PREX2: variants seen among roughly 807,000 people sequenced by gnomAD.
The protein encoded by PREX2 is phosphatidylinositol 3,4,5-trisphosphate-dependent Rac exchanger 2 protein.
PREX2 carries 107 observed loss-of-function variants against 203.2 expected under a neutral mutation model. That is an observed-to-expected ratio of 0.53 (90% CI 0.45 to 0.62). The LOEUF is 0.62. Ranked by LOEUF, PREX2 falls within the 20% of genes least tolerant of loss-of-function variation. The pLI is 0.00. For missense variants in PREX2, 1,777 were observed against 1,955.9 expected (o/e 0.91, Z 1.72); for synonymous variants, 672 against 663.6 (o/e 1.01, Z -0.19).
chr8:68,162,207 A>G (rs572086264), intron 35 of PREX2, among the ~76,000 whole-genome samples: 1 of 151,744 alleles, frequency 6.6e-6, no homozygotes, highest in Admixed American at 6.7e-5. Flanking sequence ...ACTAATTTTC[A>G]GTGAAAAACC....
In PREX2 at chr8:68,236,112, T is replaced by A. The variant is rs1471723921; in HGVS notation, c.*4734T>A. The A allele has an allele frequency of 6.6e-6, 1 of 152,166 alleles. No individual in the cohort carries two copies. The highest frequency in any genetic ancestry group is 1.5e-5 in the Non-Finnish European group (1 of 68,012). The allele number at this position is 152,166 out of a possible 1,614,324, so 9.4% of individuals were successfully genotyped here. A position where few individuals can be genotyped will look rare whatever the true frequency, so the allele number is the denominator to read the frequency against. The stretch of plus-strand genomic sequence containing the variant: ...AGTTGTTCAATGTATTGAATGAATG[T>A]CTTACTGTAAGCATCAGAGCTGTCC... On this transcript the variant is annotated 3_prime_UTR_variant, in exon 40 of 40. Coordinates refer to ENST00000288368, the MANE Select transcript of PREX2 (RefSeq NM_024870.4).
chr8:68,230,173 T>A (rs1444449368), intron 39 of PREX2, among the ~76,000 whole-genome samples: 1 of 148,096 alleles, frequency 6.8e-6, no homozygotes, highest in Non-Finnish European at 1.5e-5. Flanking sequence ...ATATTAAATC[T>A]TGCTCATTCT....
chr8:68,140,228 G>A (rs914648402), intron 33 of PREX2, among the ~76,000 whole-genome samples: 3 of 152,178 alleles, frequency 2.0e-5, no homozygotes, highest in Admixed American at 2.0e-4. Flanking sequence ...AAATGTAGAT[G>A]TCACTATAAC....
At chr8:68,129,408 C>T (rs373950323) in intron 31 of PREX2, among the ~76,000 whole-genome samples, 1 of 151,998 alleles carries the variant, frequency 6.6e-6, no homozygotes, top group East Asian at 1.9e-4. Context: ...CCCTCTCTCC[C>T]CTCTTCTATA....
chr8:68,087,691 G>A (rs772996350), intron 18 of PREX2, 33 bp from the exon 19 acceptor site: 14 of 1,478,350 alleles, frequency 9.5e-6, no homozygotes, highest in South Asian at 2.3e-5. Flanking sequence ...TGATTCTTAC[G>A]CTTCATCTTA....
chr8:68,106,983 T>C (rs1178685088), intron 23 of PREX2, among the ~76,000 whole-genome samples: 1 of 152,092 alleles, frequency 6.6e-6, no homozygotes, highest in African/African-American at 2.4e-5. Flanking sequence ...TACAATTCAG[T>C]CTAACTCTAT....
chr8:68,127,442 T>A, intron 31 of PREX2, 23 bp downstream of exon 31: 1 of 1,574,320 alleles, frequency 6.4e-7, no homozygotes, highest in South Asian at 1.1e-5. Context: ...ATTTTATTTT[T>A]TTTTACTATT....
At chr8:68,138,649 T>C (rs1811160272) in intron 33 of PREX2, 132 bp downstream of exon 33, 13 of 494,738 alleles carry the variant, frequency 2.6e-5, no homozygotes, top group Non-Finnish European at 4.7e-5. Context: ...TTTAGAAATT[T>C]TCCATCACTA....
At chr8:67,996,283 C>T (rs1806762658) in intron 1 of PREX2, among the ~76,000 whole-genome samples, 1 of 152,078 alleles carries the variant, frequency 6.6e-6, no homozygotes, top group Non-Finnish European at 1.5e-5. Context: ...GCAGCCTCAA[C>T]CTCCCAGGTT....
chr8:68,110,991 A>C (rs1328940659), intron 25 of PREX2: 5 of 416,484 alleles, frequency 1.2e-5, no homozygotes, highest in Non-Finnish European at 2.4e-5. Flanking sequence ...AAGCAATTGC[A>C]TGACATCTTT....
At chr8:68,149,745 A>G (rs1170643896) in intron 34 of PREX2, among the ~76,000 whole-genome samples, 2 of 152,184 alleles carry the variant, frequency 1.3e-5, no homozygotes, top group African/African-American at 2.4e-5. Flanking sequence ...TGCAAAATCA[A>G]TTAAGGCAGA....
intron 30 of PREX2, among the ~76,000 whole-genome samples, chr8:68,126,920 A>G (rs112933303): frequency 6.6e-6 from 1 of 151,972 alleles, no homozygotes; most frequent in East Asian, 1.9e-4. Flanking sequence ...GTGTGTGTAT[A>G]TATATATACA....
intron 37 of PREX2, among the ~76,000 whole-genome samples, chr8:68,197,142 G>C (rs1812412382): frequency 6.6e-6 from 1 of 151,670 alleles, no homozygotes; most frequent in Non-Finnish European, 1.5e-5. Context: ...TTTTATAAGG[G>C]TGTTAATCCA....
chr8:68,166,762 G>GT (rs1811769363), intron 35 of PREX2, among the ~76,000 whole-genome samples: 1 of 152,076 alleles, frequency 6.6e-6, no homozygotes, highest in Non-Finnish European at 1.5e-5. Context: ...CAGCCCAGGA[G>GT]TTCAAGACCA....
intron 35 of PREX2, among the ~76,000 whole-genome samples, chr8:68,164,353 TA>T (rs1811713127): frequency 4.0e-5 from 2 of 49,940 alleles, no homozygotes; most frequent in Non-Finnish European, 9.5e-5. Flanking sequence ...ATATGTATTA[TA>T]TATATATATA....
In PREX2 at chr8:68,236,593, A is replaced by C. The variant is rs1419103064; in HGVS notation, c.*5215A>C. The C allele has an allele frequency of 6.6e-6, 1 of 152,296 alleles. No homozygotes were observed. The highest frequency in any genetic ancestry group is 1.9e-4 in the East Asian group (1 of 5,182). The allele number at this position is 152,296 out of a possible 1,614,324, so 9.4% of individuals were successfully genotyped here. A position where few individuals can be genotyped will look rare whatever the true frequency, so the allele number is the denominator to read the frequency against. ...AATATGCATTTGAATTTGAATATCT[A>C]ATGCCTCAAGCAAATTTATTAGAGT... On this transcript the variant is annotated 3_prime_UTR_variant, in exon 40 of 40. Coordinates refer to ENST00000288368, the MANE Select transcript of PREX2 (RefSeq NM_024870.4).
chr8:68,203,503 A>G (rs1301416420), intron 37 of PREX2, among the ~76,000 whole-genome samples: 1 of 152,178 alleles, frequency 6.6e-6, no homozygotes, highest in Non-Finnish European at 1.5e-5. Flanking sequence ...AAGGGGGATC[A>G]TGGCAGAGAA....
intron 37 of PREX2, among the ~76,000 whole-genome samples, chr8:68,214,737 A>C (rs1476857830): frequency 6.6e-6 from 1 of 152,186 alleles, no homozygotes; most frequent in Non-Finnish European, 1.5e-5. Context: ...AGCATTCCTG[A>C]GAGGCTTTCT....
intron 33 of PREX2, among the ~76,000 whole-genome samples, chr8:68,145,428 A>G (rs757445005): frequency 2.4e-4 from 37 of 152,188 alleles, no homozygotes; most frequent in Non-Finnish European, 4.6e-4. Context: ...GCAGGTCAGA[A>G]GTTATAAATA....
Sources: allele counts gnomAD v4.1 joint callset (sites outside exome capture counted in the v4.1 genomes callset), GRCh38; gene constraint gnomAD v4.1.1; transcripts MANE v1.5; gene names NCBI Gene and HGNC (gene_info 2026-07-23, HGNC 2026-07-21).